Variants in FEM1C observed in about 807,000 individuals in gnomAD.
The protein encoded by FEM1C is protein fem-1 homolog C.
In FEM1C, 15 loss-of-function variants were observed where a neutral mutation model predicts 37.6. That is an observed-to-expected ratio of 0.40 (90% confidence interval 0.27 to 0.61). The LOEUF (loss-of-function observed/expected upper bound fraction) is 0.61, where lower values mean the gene tolerates loss of function less well. Ranked by LOEUF, FEM1C falls within the 20% of genes least tolerant of loss-of-function variation. The pLI, the probability that FEM1C is intolerant of heterozygous loss-of-function variation, is 0.42. For missense variants in FEM1C, 532 were observed against 749.7 expected (o/e 0.71, Z 3.39); for synonymous variants, 287 against 272.8 (o/e 1.05, Z -0.51).
rs1241263692 is a variant in FEM1C at position 115,524,575 on chromosome 5, GT to G, written c.1586del (p.Asn529ThrfsTer16). 1.2e-6 allele frequency: 2 copies of G among 1,612,844 alleles called. No homozygotes were observed. Among genetic ancestry groups the G allele is most frequent in the Non-Finnish European group, 1.7e-6 (2 of 1,179,478 alleles). Reference protein sequence around the residue: ...ADVNVRDSDDNSPLHIAALNN... With the variant: ...ADVNVRDSDDXSPLHIAALNN... ...TAAGAGCAGCGATATGCAGGGGACT[GT>G]TGTCATCCGAGTCTCTGACGTTCAC... is the stretch of plus-strand genomic sequence containing the variant. On this transcript the variant is annotated frameshift_variant, in exon 3 of 3. Transcript: ENST00000274457. LOFTEE classifies it high-confidence loss of function.
intron 2 of FEM1C, among the ~76,000 whole-genome samples, chr5:115,540,236 A>G (rs1232545297): frequency 1.3e-5 from 2 of 152,114 alleles, no homozygotes; most frequent in African/African-American, 4.8e-5. Context: ...CCAATGAGAG[A>G]ATGAGCAGTG....
At chr5:115,536,305 A>G (rs1580383408) in intron 2 of FEM1C, among the ~76,000 whole-genome samples, 1 of 152,058 alleles carries the variant, frequency 6.6e-6, no homozygotes, top group African/African-American at 2.4e-5. Flanking sequence ...TGATAGAAGC[A>G]GCAATTAGAG....
At chr5:115,540,858 A>G (rs1166363636) in intron 2 of FEM1C, among the ~76,000 whole-genome samples, 1 of 152,126 alleles carries the variant, frequency 6.6e-6, no homozygotes. Flanking sequence ...AAAAGCCCAA[A>G]ACAAAGAAAC....
Position 115,523,866 on chromosome 5 carries a change from T to C in FEM1C, c.*442A>G, listed in dbSNP as rs1753825378. On this transcript the variant is annotated 3_prime_UTR_variant, in exon 3 of 3. Transcript: ENST00000274457. ...TAGTATGGGTCCATAAGGAAAAAAC[T>C]GTAGTAGAAATGGTTAGGACAAACA... 1 of 170,218 alleles carries C rather than the reference T, an allele frequency of 5.9e-6. No homozygotes were observed. Among genetic ancestry groups the C allele is most frequent in the Non-Finnish European group, 1.3e-5 (1 of 78,844 alleles). The allele number at this position is 170,218 out of a possible 1,614,324, so 10.5% of individuals were successfully genotyped here.
intron 2 of FEM1C, among the ~76,000 whole-genome samples, chr5:115,530,680 C>T (rs959665658): frequency 2.6e-5 from 4 of 152,060 alleles, no homozygotes; most frequent in African/African-American, 9.7e-5. Flanking sequence ...TGTTCTAAGT[C>T]CACTTATGAA....
chr5:115,537,881 A>C (rs1352446092), intron 2 of FEM1C, among the ~76,000 whole-genome samples: 1 of 152,028 alleles, frequency 6.6e-6, no homozygotes, highest in Non-Finnish European at 1.5e-5. Flanking sequence ...GAATGACATC[A>C]ATCATTATCT....
chr5:115,531,078 A>C (rs1272859547), intron 2 of FEM1C, among the ~76,000 whole-genome samples: 23 of 152,134 alleles, frequency 1.5e-4, no homozygotes, highest in Non-Finnish European at 1.5e-5. Flanking sequence ...TGATAAACTC[A>C]TTCTACATAC....
chr5:115,543,606 ACC>A lies in FEM1C; in HGVS notation c.-115_-114del. ...ACCAAAGTCCAATGTTAATTGCTGC[ACC>A]CCAGAACGGATACACAACCACGAAG... On this transcript the variant is annotated 5_prime_UTR_variant, in exon 2 of 3. The change abolishes the stop of an existing upstream ORF in the 5' untranslated region. Transcript: ENST00000274457. 6.8e-7 allele frequency: 1 copy of A among 1,467,698 alleles called. No individual in the cohort carries two copies. The highest frequency in any genetic ancestry group is 8.9e-7 in the Non-Finnish European group (1 of 1,117,434). 90.9% of individuals were successfully genotyped at this position (1,467,698 alleles called of 1,614,324 possible).
Position 115,523,904 on chromosome 5 carries a change from CA to C in FEM1C, c.*403del, listed in dbSNP as rs544520556. On this transcript the variant is annotated 3_prime_UTR_variant, in exon 3 of 3. Coordinates refer to ENST00000274457, the MANE Select transcript of FEM1C (RefSeq NM_020177.3). Reference sequence around the variant, plus strand: ...GTTAGGACAAACAATAAAGTAGAAACAGGGGGGAAACTTGAGAAGAGAAGAA... The same window carrying C: ...GTTAGGACAAACAATAAAGTAGAAACGGGGGGAAACTTGAGAAGAGAAGAA... 2 of 179,410 alleles carry C rather than the reference CA, an allele frequency of 1.1e-5. No individual in the cohort carries two copies. Among genetic ancestry groups the C allele is most frequent in the Non-Finnish European group, 2.3e-5 (2 of 85,158 alleles). The allele number at this position is 179,410 out of a possible 1,614,324, so 11.1% of individuals were successfully genotyped here. A position where few individuals can be genotyped will look rare whatever the true frequency, so the allele number is the denominator to read the frequency against.
chr5:115,543,917 A>C, intron 1 of FEM1C: 1 of 985,374 alleles, frequency 1.0e-6, no homozygotes, highest in Non-Finnish European at 1.2e-6. Flanking sequence ...GGAAAATTTA[A>C]ACACTACAGG....
intron 2 of FEM1C, among the ~76,000 whole-genome samples, chr5:115,531,855 C>G (rs1754021771): frequency 6.6e-6 from 1 of 152,038 alleles, no homozygotes; most frequent in African/African-American, 2.4e-5. Context: ...CCATAGTTTG[C>G]CAAACCTGCT....
At chr5:115,543,800 C>T in intron 1 of FEM1C, 117 bp from the exon 2 acceptor site, 7 of 1,097,492 alleles carry the variant, frequency 6.4e-6, no homozygotes, top group Non-Finnish European at 7.7e-6. Flanking sequence ...AGGCACTACT[C>T]CATCCCACAC....
chr5:115,527,181 A>G (rs543322075), intron 2 of FEM1C, among the ~76,000 whole-genome samples: 1 of 152,226 alleles, frequency 6.6e-6, no homozygotes, highest in Admixed American at 6.5e-5. Context: ...AATCTTACCT[A>G]TGAGTACAGT....
Position 115,525,082 on chromosome 5 carries a change from T to A in FEM1C, c.1080A>T (p.Leu360=). 1.2e-6 allele frequency: 2 copies of A among 1,613,730 alleles called. No homozygotes were observed. The highest frequency in any genetic ancestry group is 1.7e-6 in the Non-Finnish European group (2 of 1,179,822). Residue 360 remains leucine, a synonymous_variant, in exon 3 of 3, where the codon CTA becomes CTT. Transcript: ENST00000274457. ...DSGNFKRCIN[L]WKYALDMQQS... ...GCTGCATATCCAAAGCATACTTCCA[T>A]AGGTTGATGCATCGTTTGAAATTTC...
Position 115,524,175 on chromosome 5 carries a change from T to C in FEM1C, c.*133A>G. The C allele has an allele frequency of 1.5e-6, 1 of 667,512 alleles. No individual in the cohort carries two copies. The highest frequency in any genetic ancestry group is 2.0e-5 in the South Asian group (1 of 48,906). The allele number at this position is 667,512 out of a possible 1,614,324, so 41.3% of individuals were successfully genotyped here. A position where few individuals can be genotyped will look rare whatever the true frequency, so the allele number is the denominator to read the frequency against. On this transcript the variant is annotated 3_prime_UTR_variant, in exon 3 of 3. Coordinates refer to ENST00000274457, the MANE Select transcript of FEM1C (RefSeq NM_020177.3). The stretch of plus-strand genomic sequence containing the variant: ...ACCAATGTTGTAAATTTGATGCTTA[T>C]AATGCTTTAGCCAATGAGAGCACAA...
At position 115,543,456 on chromosome 5, in the gene FEM1C, T is replaced by C; in HGVS notation, c.38A>G (p.Asp13Gly). ...TTTGGTGAGAAGCCGGAGTTTGCCA[T>C]CCCGAGCTGCGTTAAATACTGCTGT... is the stretch of plus-strand genomic sequence containing the variant. ...LKTAVFNAAR[D>G]GKLRLLTKLL... The change falls in exon 2 of 3, where the codon GAT becomes GGT. Residue 13 changes from aspartate (D) to glycine (G), a missense_variant. This residue lies in a region of FEM1C where 74 missense variants were observed against 85.0 expected (regional missense o/e 0.87). Coordinates refer to ENST00000274457, the MANE Select transcript of FEM1C (RefSeq NM_020177.3). The C allele has an allele frequency of 6.2e-7, 1 of 1,613,658 alleles. No individual in the cohort carries two copies. The highest frequency in any genetic ancestry group is 1.1e-5 in the South Asian group (1 of 91,068).
At chr5:115,539,283 G>C (rs879417751) in intron 2 of FEM1C, among the ~76,000 whole-genome samples, 6 of 151,890 alleles carry the variant, frequency 4.0e-5, no homozygotes, top group Non-Finnish European at 8.8e-5. Flanking sequence ...TGTAAAAGTG[G>C]AATTGAAGAG....
At chr5:115,541,482 C>T (rs916344651) in intron 2 of FEM1C, among the ~76,000 whole-genome samples, 1 of 152,138 alleles carries the variant, frequency 6.6e-6, no homozygotes, top group Non-Finnish European at 1.5e-5. Flanking sequence ...TTTAACCTTT[C>T]TGAAAGGCAG....
At position 115,524,242 on chromosome 5, in the gene FEM1C, A is replaced by G; in HGVS notation, c.*66T>C. 1.5e-6 allele frequency: 2 copies of G among 1,295,156 alleles called. No individual in the cohort carries two copies. The highest frequency in any genetic ancestry group is 2.5e-5 in the South Asian group (2 of 80,294). The allele number at this position is 1,295,156 out of a possible 1,614,324, so 80.2% of individuals were successfully genotyped here. A position where few individuals can be genotyped will look rare whatever the true frequency, so the allele number is the denominator to read the frequency against. ...AAATGAATGCTGGTGTTATCACAAC[A>G]GTGCTCATTTATGAAACAACTGTTA... On this transcript the variant is annotated 3_prime_UTR_variant, in exon 3 of 3. Coordinates refer to ENST00000274457, the MANE Select transcript of FEM1C (RefSeq NM_020177.3).
Sources: gnomAD v4.1 joint callset for allele counts (sites outside exome capture counted in the v4.1 genomes callset) on GRCh38, gnomAD v4.1.1 for gene constraint, gnomAD v4.1.1 regional missense constraint, MANE v1.5 for transcripts, NCBI Gene and HGNC (gene_info 2026-07-23, HGNC 2026-07-21) for gene names.